Variants in OSBPL10 observed in about 807,000 individuals in gnomAD.
The protein encoded by OSBPL10 is oxysterol binding protein like 10.
Under a neutral mutation model 81.7 loss-of-function variants are expected in OSBPL10, and 49 were observed. The ratio of observed to expected loss-of-function variants is 0.60; its 90% CI spans 0.48 to 0.76. OSBPL10 has a LOEUF of 0.76. Ranked by LOEUF, OSBPL10 falls within the 30% of genes least tolerant of loss-of-function variation. The pLI is 0.00. For synonymous variants in OSBPL10, 419 were observed against 383.6 expected (o/e 1.09, Z -1.08); for missense variants, 923 against 987.8 (o/e 0.93, Z 0.88).
At chr3:31,853,324 T>A (rs1414877671) in intron 3 of OSBPL10, among the ~76,000 whole-genome samples, 1 of 152,054 alleles carries the variant, frequency 6.6e-6, no homozygotes, top group African/African-American at 2.4e-5. Context: ...TAACCCTCAG[T>A]GTAGTTCCTG....
chr3:31,833,707 A>G lies in OSBPL10; in HGVS notation c.538-3476T>C, dbSNP rs11129468. The stretch of plus-strand genomic sequence containing the variant: ...AGGGAAAACACGCACACGCACACGC[A>G]CACACACACACACACACACACACAC... On this transcript the variant is annotated intron_variant, in intron 3 of 11. Coordinates refer to ENST00000396556, the MANE Select transcript of OSBPL10 (RefSeq NM_017784.5). Among the ~76,000 whole-genome samples, 567 of 80,108 alleles carry G rather than the reference A, an allele frequency of 7.1e-3. 4 individuals carry two copies. Among genetic ancestry groups the G allele is most frequent in the African/African-American group, 0.013 (164 of 12,454 alleles). 52.6% of individuals were successfully genotyped at this position (80,108 alleles called of 152,430 possible).
At chr3:31,823,815 GC>G (rs1700036806) in intron 4 of OSBPL10, among the ~76,000 whole-genome samples, 1 of 150,240 alleles carries the variant, frequency 6.7e-6, no homozygotes, top group African/African-American at 2.4e-5. Flanking sequence ...TTTTGACTAG[GC>G]CCTTTTTAAT....
chr3:32,032,341 G>A (rs774310995), intron 2 of OSBPL10, among the ~76,000 whole-genome samples: 1 of 152,034 alleles, frequency 6.6e-6, no homozygotes, highest in African/African-American at 2.4e-5. Flanking sequence ...CTTGAACCCG[G>A]GAGGCAGAGG....
At chr3:31,722,434 G>C (rs1457412649) in intron 6 of OSBPL10, among the ~76,000 whole-genome samples, 2 of 151,936 alleles carry the variant, frequency 1.3e-5, no homozygotes, top group Non-Finnish European at 2.9e-5. Context: ...CCTAAAATGG[G>C]CAAGGATTTT....
At chr3:31,941,320 G>C (rs1697530425) in intron 1 of OSBPL10, among the ~76,000 whole-genome samples, 1 of 152,104 alleles carries the variant, frequency 6.6e-6, no homozygotes, top group Admixed American at 6.5e-5. Flanking sequence ...AAGATAAAAG[G>C]AAAATGAAAG....
intron 1 of OSBPL10, among the ~76,000 whole-genome samples, chr3:31,958,901 A>C (rs1390195828): frequency 6.6e-6 from 1 of 152,194 alleles, no homozygotes; most frequent in Non-Finnish European, 1.5e-5. Flanking sequence ...ACTCTTTACA[A>C]AAAAACCTTT....
At chr3:32,048,605 C>G (rs1699644509) in intron 1 of OSBPL10, among the ~76,000 whole-genome samples, 1 of 152,134 alleles carries the variant, frequency 6.6e-6, no homozygotes, top group Admixed American at 6.5e-5. Flanking sequence ...CCATGCCCAG[C>G]CTCTCTTAGA....
intron 2 of OSBPL10, among the ~76,000 whole-genome samples, chr3:32,006,110 A>G (rs369930459): frequency 2.6e-5 from 4 of 151,834 alleles, no homozygotes; most frequent in African/African-American, 9.7e-5. Flanking sequence ...ATGCCCAGCT[A>G]ATTTTTGTAT....
intron 2 of OSBPL10, among the ~76,000 whole-genome samples, chr3:31,994,301 T>C (rs773241798): frequency 7.2e-5 from 11 of 152,214 alleles, no homozygotes; most frequent in Non-Finnish European, 1.3e-4. Flanking sequence ...AACTGTCCTA[T>C]AACTTACTTG....
intron 7 of OSBPL10, among the ~76,000 whole-genome samples, chr3:31,693,410 A>C (rs1695615415): frequency 1.3e-5 from 2 of 152,252 alleles, no homozygotes; most frequent in Non-Finnish European, 2.9e-5. Context: ...AAGAAGCCAA[A>C]AAGAGACAAC....
chr3:31,770,515 G>A (rs1366727262), intron 4 of OSBPL10, among the ~76,000 whole-genome samples: 5 of 152,144 alleles, frequency 3.3e-5, no homozygotes, highest in African/African-American at 4.8e-5. Flanking sequence ...GGCCTGGCAC[G>A]GTGGCTCACG....
intron 1 of OSBPL10, among the ~76,000 whole-genome samples, chr3:32,050,607 A>G (rs538197597): frequency 6.6e-6 from 1 of 152,208 alleles, no homozygotes; most frequent in East Asian, 1.9e-4. Context: ...TTCAAAGGCC[A>G]GAAATATTGG....
At position 31,744,786 on chromosome 3, in the gene OSBPL10, G is replaced by GAAAAA. The variant is rs1553620553; in HGVS notation, c.940+3119_940+3123dup. On this transcript the variant is annotated intron_variant, in intron 5 of 11. Transcript: ENST00000396556. ...ATGCCAGAGAGCCAATGAAAATTAGGAAAAAAAAAAACAACGAATTTTCTA... is the reference window on the plus strand; with the variant it reads ...ATGCCAGAGAGCCAATGAAAATTAGGAAAAAAAAAAAAAAAACAACGAATTTTCTA... Among the ~76,000 whole-genome samples, 716 of 147,030 alleles carry GAAAAA rather than the reference G, an allele frequency of 4.9e-3. 6 individuals are homozygous for GAAAAA. The highest frequency in any genetic ancestry group is 0.017 in the African/African-American group (673 of 39,582).
At chr3:31,888,880 C>T (rs778090974) in intron 1 of OSBPL10, among the ~76,000 whole-genome samples, 4 of 152,078 alleles carry the variant, frequency 2.6e-5, no homozygotes, top group East Asian at 1.9e-4. Context: ...GCCGAGATCA[C>T]GTCACTGCAC....
At chr3:32,007,905 A>G (rs1158928400) in intron 2 of OSBPL10, among the ~76,000 whole-genome samples, 1 of 151,800 alleles carries the variant, frequency 6.6e-6, no homozygotes, top group African/African-American at 2.4e-5. Context: ...GGGTTTCTCC[A>G]TGTTGGCCAG....
intron 6 of OSBPL10, among the ~76,000 whole-genome samples, chr3:31,726,175 G>A (rs1016603021): frequency 3.9e-5 from 6 of 152,224 alleles, no homozygotes; most frequent in Admixed American, 6.5e-5. Flanking sequence ...CAGCCGGGGA[G>A]GGTGACTCAT....
At chr3:31,677,234 G>C (rs1473984719) in intron 8 of OSBPL10, among the ~76,000 whole-genome samples, 2 of 152,226 alleles carry the variant, frequency 1.3e-5, no homozygotes, top group African/African-American at 4.8e-5. Flanking sequence ...GTGGGAGCCA[G>C]AACCTTCTGC....
At chr3:31,876,549 A>T (rs373671500) in intron 2 of OSBPL10, 37 bp from the exon 3 acceptor site, 1 of 1,558,610 alleles carries the variant, frequency 6.4e-7, no homozygotes, top group African/African-American at 1.4e-5. Context: ...ATGATTGCAG[A>T]GATTGTTCCA....
At chr3:32,026,061 A>AGATAGATAGATAGAT (rs1699407353) in intron 2 of OSBPL10, among the ~76,000 whole-genome samples, 33 of 90,816 alleles carry the variant, frequency 3.6e-4, no homozygotes, top group African/African-American at 1.1e-3. Context: ...GATAGATGAT[A>AGATAGATAGATAGAT]GATAGATAGA....
Sources: allele counts gnomAD v4.1 joint callset (sites outside exome capture counted in the v4.1 genomes callset), GRCh38; gene constraint gnomAD v4.1.1; transcripts MANE v1.5; gene names NCBI Gene and HGNC (gene_info 2026-07-23, HGNC 2026-07-21).